Variants in NFAT5 observed in about 807,000 individuals in gnomAD.
NFAT5 encodes nuclear factor of activated T cells 5.
NFAT5 carries 31 observed loss-of-function variants against 166.5 expected under a neutral mutation model. The observed-to-expected ratio is 0.19, with a 90% CI of 0.14 to 0.25. NFAT5 has a LOEUF of 0.25. Among genes scored for constraint, NFAT5 ranks in the 10% least tolerant of loss-of-function variants. NFAT5 has a pLI of 1.00. For synonymous variants in NFAT5, 612 were observed against 639.7 expected, an observed-to-expected ratio of 0.96 and a Z score of 0.65; for missense variants, 1,449 against 1,821.8, an observed-to-expected ratio of 0.80 and a Z score of 3.72.
intron 2 of NFAT5, among the ~76,000 whole-genome samples, chr16:69,573,064 A>G (rs1171096687): frequency 6.6e-6 from 1 of 152,146 alleles, no homozygotes; most frequent in Non-Finnish European, 1.5e-5. Context: ...GGTGGCCTCG[A>G]TCCCTTGACC....
intron 11 of NFAT5, among the ~76,000 whole-genome samples, chr16:69,688,202 CAAAAAA>C (rs1188158260): frequency 1.4e-3 from 68 of 49,510 alleles, no homozygotes; most frequent in East Asian, 8.0e-3. Context: ...GACTCCGTCT[CAAAAAA>C]AAAAAAAAAA....
At chr16:69,609,377 G>A (rs570031687) in intron 2 of NFAT5, among the ~76,000 whole-genome samples, 1 of 151,872 alleles carries the variant, frequency 6.6e-6, no homozygotes, top group African/African-American at 2.4e-5. Context: ...TTCAGTAGTC[G>A]GTCTGTGATG....
At chr16:69,672,789 C>A (rs1382649151) in intron 9 of NFAT5, among the ~76,000 whole-genome samples, 1 of 152,096 alleles carries the variant, frequency 6.6e-6, no homozygotes, top group African/African-American at 2.4e-5. Context: ...TGTTTCTTGA[C>A]AAATTAGTTA....
chr16:69,576,535 G>A (rs1296984522), intron 2 of NFAT5, among the ~76,000 whole-genome samples: 1 of 152,018 alleles, frequency 6.6e-6, no homozygotes, highest in Non-Finnish European at 1.5e-5. Flanking sequence ...CCTGGCTTTG[G>A]TGAGTGTCTT....
intron 3 of NFAT5, among the ~76,000 whole-genome samples, chr16:69,633,966 A>T (rs934084061): frequency 2.1e-4 from 32 of 152,096 alleles, no homozygotes; most frequent in African/African-American, 7.5e-4. Flanking sequence ...TTTGTTAATT[A>T]AAAAAATAAA....
At chr16:69,629,975 C>T (rs1057487513) in intron 3 of NFAT5, among the ~76,000 whole-genome samples, 1 of 150,882 alleles carries the variant, frequency 6.6e-6, no homozygotes, top group African/African-American at 2.4e-5. Flanking sequence ...CTCACTCTGT[C>T]GCCCAGGCTG....
intron 2 of NFAT5, among the ~76,000 whole-genome samples, chr16:69,601,516 C>T (rs2033133395): frequency 6.6e-6 from 1 of 152,082 alleles, no homozygotes. Context: ...TATAGGTGTG[C>T]ACCACCATGC....
rs888118202 is a variant in NFAT5 at position 69,566,725 on chromosome 16, GACTGGGCCCCGC to G, written c.73+352_73+363del. On this transcript the variant is annotated intron_variant, in intron 1 of 14. Coordinates refer to ENST00000349945, the MANE Select transcript of NFAT5 (RefSeq NM_138713.4). This position sits in a 1 kb window ranked among gnomAD's most constrained non-coding sequence, Gnocchi z 5.7. Reference sequence around the variant, plus strand: ...CCTCCCGGGCTCGGGGATGGCCCCAGACTGGGCCCCGCGCTGGGGCCACCGCGATCGGGGCGC... The same window carrying G: ...CCTCCCGGGCTCGGGGATGGCCCCAGGCTGGGGCCACCGCGATCGGGGCGC... Among the ~76,000 whole-genome samples, 32 of 152,192 alleles carry G rather than the reference GACTGGGCCCCGC, an allele frequency of 2.1e-4. No individual in the cohort carries two copies. Among genetic ancestry groups the G allele is most frequent in the Non-Finnish European group, 4.0e-4 (27 of 67,972 alleles).
chr16:69,653,094 C>T, intron 4 of NFAT5, 142 bp from the exon 5 acceptor site: 1 of 543,176 alleles, frequency 1.8e-6, no homozygotes, highest in Admixed American at 4.1e-5. Context: ...TTCCTTTAGG[C>T]AATATTTTAT....
chr16:69,592,847 A>G (rs1225956768), intron 2 of NFAT5, among the ~76,000 whole-genome samples: 1 of 152,204 alleles, frequency 6.6e-6, no homozygotes, highest in Non-Finnish European at 1.5e-5. Context: ...TTGCTTTCAG[A>G]GTAGAGTAGG....
chr16:69,626,364 T>C (rs2034459739), intron 2 of NFAT5, 39 bp from the exon 3 acceptor site: 2 of 1,548,162 alleles, frequency 1.3e-6, no homozygotes, highest in Non-Finnish European at 8.7e-7. Flanking sequence ...CTGAATCTCT[T>C]TTAAAAATTG....
chr16:69,670,558 T>G (rs2036584669), intron 9 of NFAT5, among the ~76,000 whole-genome samples: 2 of 152,218 alleles, frequency 1.3e-5, no homozygotes, highest in Admixed American at 1.3e-4. Flanking sequence ...ACTTATTTTC[T>G]CTGAGGATTT....
intron 6 of NFAT5, among the ~76,000 whole-genome samples, chr16:69,658,082 CAA>C (rs537709479): frequency 1.6e-5 from 2 of 123,470 alleles, no homozygotes; most frequent in African/African-American, 5.7e-5. Context: ...AGACTTGTCT[CAA>C]AAAAAAAAAA....
intron 3 of NFAT5, among the ~76,000 whole-genome samples, chr16:69,636,249 T>C (rs1264719481): frequency 6.6e-6 from 1 of 152,222 alleles, no homozygotes; most frequent in East Asian, 1.9e-4. Context: ...TGGGCAGCTC[T>C]GCACCTGTGG....
chr16:69,612,699 G>GACAC (rs61143173), intron 2 of NFAT5, among the ~76,000 whole-genome samples: 13 of 149,968 alleles, frequency 8.7e-5, no homozygotes, highest in African/African-American at 1.2e-4. Context: ...CATACACAGA[G>GACAC]ACACACACAC....
intron 2 of NFAT5, among the ~76,000 whole-genome samples, chr16:69,580,243 T>C (rs1227829021): frequency 6.6e-6 from 1 of 152,102 alleles, no homozygotes; most frequent in Non-Finnish European, 1.5e-5. Context: ...ATTAAAAGTT[T>C]AGGGCTGGGC....
intron 2 of NFAT5, among the ~76,000 whole-genome samples, chr16:69,624,660 C>G (rs1389918141): frequency 6.6e-6 from 1 of 152,142 alleles, no homozygotes; most frequent in Admixed American, 6.5e-5. Flanking sequence ...TAGTGATTAA[C>G]TAGGAAGCTC....
rs544427866 is a variant in NFAT5, at chr16:69,647,788, A to G, written c.812+202A>G. On this transcript the variant is annotated intron_variant, in intron 4 of 14. Transcript: ENST00000349945. This position sits in a 1 kb window ranked among gnomAD's most constrained non-coding sequence, Gnocchi z 4.8. ...AAATAAAATAATCATAGATTCTAGC[A>G]ATAGATATCTTATTATCAGTATAGT... Among the ~76,000 whole-genome samples, 1 of 152,326 alleles carries G rather than the reference A, an allele frequency of 6.6e-6. No homozygotes were observed. The highest frequency in any genetic ancestry group is 2.1e-4 in the South Asian group (1 of 4,830).
At chr16:69,577,777 C>T (rs2016841752) in intron 2 of NFAT5, among the ~76,000 whole-genome samples, 1 of 152,118 alleles carries the variant, frequency 6.6e-6, no homozygotes. Context: ...CATTTCTATA[C>T]TTCTATAAAG....
Sources: gnomAD v4.1 joint callset for allele counts (sites outside exome capture counted in the v4.1 genomes callset) on GRCh38, gnomAD v4.1.1 for gene constraint, Gnocchi (gnomAD v3.1) non-coding constraint, MANE v1.5 for transcripts, NCBI Gene and HGNC (gene_info 2026-07-23, HGNC 2026-07-21) for gene names.